Variants in SOS2 observed in about 807,000 individuals in gnomAD.
SOS2 encodes SOS Ras/Rho guanine nucleotide exchange factor 2.
Under a neutral mutation model 148.2 loss-of-function variants are expected in SOS2, and 65 were observed. The observed-to-expected ratio is 0.44, with a 90% CI of 0.36 to 0.54. The LOEUF (loss-of-function observed/expected upper bound fraction) is 0.54, where lower values mean the gene tolerates loss of function less well. Among genes scored for constraint, SOS2 ranks in the 20% least tolerant of loss-of-function variants. The probability of loss-of-function intolerance (pLI) is 0.00; values close to 1 mark genes in which losing one functional copy is unlikely to be tolerated. For synonymous variants in SOS2, 539 were observed against 537.1 expected (o/e 1.00, Z -0.05); for missense variants, 1,341 against 1,590.2 (o/e 0.84, Z 2.67).
At chr14:50,208,625 C>T (rs1369060932) in intron 1 of SOS2, among the ~76,000 whole-genome samples, 4 of 151,868 alleles carry the variant, frequency 2.6e-5, no homozygotes, top group African/African-American at 9.7e-5. Flanking sequence ...CCAGCCTGAG[C>T]GACAGAGCAA....
At chr14:50,222,858 G>A (rs1887240361) in intron 1 of SOS2, among the ~76,000 whole-genome samples, 2 of 152,154 alleles carry the variant, frequency 1.3e-5, no homozygotes, top group Admixed American at 6.5e-5. Context: ...TTGAACAAAG[G>A]AGTGAAATGA....
Position 50,231,312 on chromosome 14 carries a change from G to A in SOS2, c.-29C>T. 3.0e-6 allele frequency: 4 copies of A among 1,323,342 alleles called. No homozygotes were observed. Among genetic ancestry groups the A allele is most frequent in the Middle Eastern group, 4.2e-4 (2 of 4,714 alleles). 82.0% of individuals were successfully genotyped at this position (1,323,342 alleles called of 1,614,324 possible). A position where few individuals can be genotyped will look rare whatever the true frequency, so the allele number is the denominator to read the frequency against. ...CCCGGCGACAGCGCCTCCGCATCGGGGGCAGCCCGCGGGCCGGGCCGGTGG... is the reference window on the plus strand; with the variant it reads ...CCCGGCGACAGCGCCTCCGCATCGGAGGCAGCCCGCGGGCCGGGCCGGTGG... On this transcript the variant is annotated 5_prime_UTR_variant, in exon 1 of 23. Coordinates refer to ENST00000216373, the MANE Select transcript of SOS2 (RefSeq NM_006939.4).
intron 1 of SOS2, among the ~76,000 whole-genome samples, chr14:50,228,642 A>C (rs1188345404): frequency 1.3e-5 from 2 of 152,322 alleles, no homozygotes; most frequent in Admixed American, 1.3e-4. Context: ...CAAGATGTCC[A>C]AGTGGACTAA....
chr14:50,122,593 G>T (rs890751464), intron 21 of SOS2, among the ~76,000 whole-genome samples: 1 of 152,040 alleles, frequency 6.6e-6, no homozygotes, highest in Non-Finnish European at 1.5e-5. Flanking sequence ...CACACTCATG[G>T]AAGCAGATGA....
chr14:50,159,762 C>A lies in SOS2; in HGVS notation c.1521G>T (p.Glu507Asp), dbSNP rs141604342. 118 of 1,613,758 alleles carry A rather than the reference C, an allele frequency of 7.3e-5. 1 individual carries two copies. The African/African-American group carries it at 1.3e-3, about 17-fold the overall frequency. The part of the protein sequence containing the change: ...IQICDKEDTC[E>D]HKHAFELVSK... ...ATACTAATTCAAATGCATGCTTGTGCTCACAAGTATCTTCTTTATCACAAA... is the reference window on the plus strand; with the variant it reads ...ATACTAATTCAAATGCATGCTTGTGATCACAAGTATCTTCTTTATCACAAA... The change falls in exon 10 of 23, where the codon GAG becomes GAT. Residue 507 changes from glutamate to aspartate, a missense_variant. Glu to Asp is a conservative substitution (Grantham distance 45). This residue lies in a region of SOS2 where 574 missense variants were observed against 711.1 expected (regional missense o/e 0.81). Coordinates refer to ENST00000216373, the MANE Select transcript of SOS2 (RefSeq NM_006939.4).
chr14:50,120,711 A>G (rs1427409008), intron 21 of SOS2, among the ~76,000 whole-genome samples: 2 of 151,988 alleles, frequency 1.3e-5, no homozygotes, highest in East Asian at 3.9e-4. Context: ...GTAACTTCCA[A>G]AGAAAGACCA....
intron 13 of SOS2, among the ~76,000 whole-genome samples, chr14:50,150,479 T>C (rs985465566): frequency 1.3e-5 from 2 of 152,170 alleles, no homozygotes; most frequent in Non-Finnish European, 2.9e-5. Flanking sequence ...AACACCATTA[T>C]CACACATAAA....
At chr14:50,134,024 C>G (rs971013757) in intron 19 of SOS2, 99 bp downstream of exon 19, 8 of 741,860 alleles carry the variant, frequency 1.1e-5, no homozygotes, top group Non-Finnish European at 1.5e-5. Context: ...CACCTAGGAA[C>G]AGCCATTCAA....
rs73283414 is a variant in SOS2 at position 50,151,914 on chromosome 14, G to A, written c.2161+1156C>T. Reference sequence around the variant, plus strand: ...AATTTTCATATTTTTTGTAGAGACTGGGTTTTGCCATTTTGCCCAGACTGG... The same window carrying A: ...AATTTTCATATTTTTTGTAGAGACTAGGTTTTGCCATTTTGCCCAGACTGG... On this transcript the variant is annotated intron_variant, in intron 13 of 22. Transcript: ENST00000216373. Among the ~76,000 whole-genome samples the A allele has an allele frequency of 8.8e-3, 1,342 of 152,010 alleles. 18 individuals are homozygous for A. The highest frequency in any genetic ancestry group is 0.031 in the African/African-American group (1,281 of 41,482).
chr14:50,231,153 G>C, intron 1 of SOS2, 44 bp downstream of exon 1: 1 of 1,214,554 alleles, frequency 8.2e-7, no homozygotes. Flanking sequence ...AGAAGCTCGG[G>C]GGGCCACGGG....
At position 50,138,671 on chromosome 14, in the gene SOS2, C is replaced by T; in HGVS notation, c.2899G>A (p.Gly967Arg). Residue 967 changes from glycine to arginine, a missense_variant, in exon 18 of 23, where the codon GGA (glycine) becomes AGA (arginine). By Grantham distance (125) the Gly-to-Arg change is moderately radical. This residue lies in a region of SOS2 where 408 missense variants were observed against 506.6 expected (regional missense o/e 0.81). Coordinates refer to ENST00000216373, the MANE Select transcript of SOS2 (RefSeq NM_006939.4). ...SKRRKVAEITGEIQQYQNQPY... is the reference protein window; with the variant it reads ...SKRRKVAEITREIQQYQNQPY... ...TGATTCTGATACTGCTGAATTTCTCCAGTAATTTCAGCTACTTTCCTCCTC... is the reference window on the plus strand; with the variant it reads ...TGATTCTGATACTGCTGAATTTCTCTAGTAATTTCAGCTACTTTCCTCCTC... 6.4e-7 allele frequency: 1 copy of T among 1,573,778 alleles called. No homozygotes were observed. The highest frequency in any genetic ancestry group is 8.7e-7 in the Non-Finnish European group (1 of 1,154,574).
At chr14:50,142,503 A>C (rs1391697149) in intron 16 of SOS2, among the ~76,000 whole-genome samples, 1 of 152,204 alleles carries the variant, frequency 6.6e-6, no homozygotes, top group Non-Finnish European at 1.5e-5. Flanking sequence ...ATTATTCTCA[A>C]TACTTATCCA....
chr14:50,174,505 A>T lies in SOS2; in HGVS notation c.1017T>A (p.Arg339=), dbSNP rs1885463657. ...FKEAVRYVLP[R]LMLVPVYHCW... ...AGTGATACACTGGCACCAGCATAAG[A>T]CGTGGAAGGACATAACGAACTGCCT... The change falls in exon 8 of 23, where the codon CGT becomes CGA. Residue 339 remains arginine (R), a synonymous_variant. Coordinates refer to ENST00000216373, the MANE Select transcript of SOS2 (RefSeq NM_006939.4). 6.2e-7 allele frequency: 1 copy of T among 1,611,160 alleles called. No individual in the cohort carries two copies. Among genetic ancestry groups the T allele is most frequent in the Non-Finnish European group, 8.5e-7 (1 of 1,178,082 alleles).
At chr14:50,145,693 A>C in intron 14 of SOS2, 97 bp from the exon 15 acceptor site, 1 of 738,836 alleles carries the variant, frequency 1.4e-6, no homozygotes, top group Non-Finnish European at 2.2e-6. Context: ...TTAACCCAAA[A>C]GACAGATGAA....
intron 18 of SOS2, 52 bp downstream of exon 18, chr14:50,138,560 T>G: frequency 2.3e-6 from 2 of 873,930 alleles, no homozygotes; most frequent in Non-Finnish European, 3.4e-6. Flanking sequence ...TTTTTTTTTT[T>G]TGGTACCCAT....
intron 21 of SOS2, among the ~76,000 whole-genome samples, chr14:50,121,844 T>C (rs1217688587): frequency 1.3e-5 from 2 of 152,348 alleles, no homozygotes; most frequent in East Asian, 1.9e-4. Flanking sequence ...TCCTCAGACC[T>C]GCCAGCATTG....
intron 5 of SOS2, among the ~76,000 whole-genome samples, chr14:50,183,583 A>T (rs1049754826): frequency 6.6e-6 from 1 of 152,194 alleles, no homozygotes; most frequent in Non-Finnish European, 1.5e-5. Flanking sequence ...ACTGTGGATG[A>T]TTCTAAGCTA....
chr14:50,139,874 T>C (rs1884212171), intron 17 of SOS2, 68 bp downstream of exon 17: 1 of 729,462 alleles, frequency 1.4e-6, no homozygotes, highest in Non-Finnish European at 2.5e-6. Context: ...ATAACATGCC[T>C]CTGAAGACTG....
Position 50,145,332 on chromosome 14 carries a change from T to C in SOS2, c.2505A>G (p.Lys835=), listed in dbSNP as rs377331367. The C allele has an allele frequency of 3.1e-6, 5 of 1,595,742 alleles. No homozygotes were observed. The highest frequency in any genetic ancestry group is 1.8e-5 in the Admixed American group (1 of 54,744). Reference sequence around the variant, plus strand: ...CAAAATTTTCTGCTTCCACAATGCATCTAACAACAACAAAAATTCATGGCT... The same window carrying C: ...CAAAATTTTCTGCTTCCACAATGCACCTAACAACAACAAAAATTCATGGCT... ...HTTNLTLWFE[K]CIVEAENFEE... The change falls in exon 16 of 23, where the codon AAA becomes AAG. Residue 835 remains lysine, a splice_region_variant and synonymous_variant. Coordinates refer to ENST00000216373, the MANE Select transcript of SOS2 (RefSeq NM_006939.4).
Sources: gnomAD v4.1 joint callset for allele counts (sites outside exome capture counted in the v4.1 genomes callset) on GRCh38, gnomAD v4.1.1 for gene constraint, gnomAD v4.1.1 regional missense constraint, MANE v1.5 for transcripts, NCBI Gene and HGNC (gene_info 2026-07-23, HGNC 2026-07-21) for gene names.